Variants in RPL9 observed in about 807,000 individuals in gnomAD.
The protein encoded by RPL9 is ribosomal protein L9, also known as large ribosomal subunit protein uL6.
For synonymous variants in RPL9, 82 were observed against 77.1 expected (o/e 1.06, Z -0.33); for missense variants, 149 against 236.7 (o/e 0.63, Z 2.43).
intron 5 of RPL9, chr4:39,455,983 A>C: frequency 4.4e-6 from 1 of 227,242 alleles, no homozygotes; most frequent in Non-Finnish European, 8.8e-6. Context: ...TTAGATTTTA[A>C]AGGTTCTTAC....
chr4:39,456,270 A>T (rs1172581996), intron 5 of RPL9, 136 bp downstream of exon 5: 4 of 915,418 alleles, frequency 4.4e-6, no homozygotes, highest in Non-Finnish European at 7.1e-6. Context: ...TCAAGAGATA[A>T]TTCTAAAACA....
Position 39,454,916 on chromosome 4 carries a change from C to T in RPL9, c.420G>A (p.Gln140=), listed in dbSNP as rs1278176291. 1 of 1,614,018 alleles carries T rather than the reference C, an allele frequency of 6.2e-7. No homozygotes were observed. The highest frequency in any genetic ancestry group is 8.5e-7 in the Non-Finnish European group (1 of 1,179,972). Reference sequence around the variant, plus strand: ...TTCCTTCAAGGATTAATTCATCTTTCTGGGCTTGAGATACTGAACAAGCAA... The same window carrying T: ...TTCCTTCAAGGATTAATTCATCTTTTTGGGCTTGAGATACTGAACAAGCAA... ...PGVACSVSQA[Q]KDELILEGND... Residue 140 remains glutamine, a synonymous_variant, in exon 6 of 8, where the codon CAG becomes CAA. Transcript: ENST00000295955.
In RPL9 at chr4:39,456,467, A is replaced by G. The variant is rs757203996; in HGVS notation, c.330T>C (p.Ser110=). 1 of 1,614,164 alleles carries G rather than the reference A, an allele frequency of 6.2e-7. No homozygotes were observed. Among genetic ancestry groups the G allele is most frequent in the Non-Finnish European group, 8.5e-7 (1 of 1,179,988 alleles). Residue 110 remains serine, a synonymous_variant, in exon 5 of 8, where the codon TCT becomes TCC. Coordinates refer to ENST00000295955, the MANE Select transcript of RPL9 (RefSeq NM_000661.5). ...PINVVIQENG[S]LVEIRNFLGE... Reference sequence around the variant, plus strand: ...CCAAGAAATTTCGGATTTCAACAAGAGACCCATTCTCCTGGATAACAACGT... The same window carrying G: ...CCAAGAAATTTCGGATTTCAACAAGGGACCCATTCTCCTGGATAACAACGT...
intron 6 of RPL9, 59 bp downstream of exon 6, chr4:39,454,805 T>C: frequency 6.4e-7 from 1 of 1,566,190 alleles, no homozygotes; most frequent in Non-Finnish European, 8.7e-7. Flanking sequence ...AATACTGTAT[T>C]TTAAACAAGA....
In RPL9 at chr4:39,457,637, G is replaced by A. The variant is rs747523284; in HGVS notation, c.207C>T (p.Thr69=). The change falls in exon 4 of 8, where the codon ACC becomes ACT. Residue 69 remains threonine, a synonymous_variant. Coordinates refer to ENST00000295955, the MANE Select transcript of RPL9 (RefSeq NM_000661.5). ...KWWGNRKELA[T]VRTICSHVQN... ...GTACATGACTACAAATAGTCCGAACGGTAGCCAGTTCCTTTCTGTTACCCC... is the reference window on the plus strand; with the variant it reads ...GTACATGACTACAAATAGTCCGAACAGTAGCCAGTTCCTTTCTGTTACCCC... 38 of 1,613,984 alleles carry A rather than the reference G, an allele frequency of 2.4e-5. No homozygotes were observed. Among genetic ancestry groups the A allele is most frequent in the Admixed American group, 1.3e-4 (8 of 60,000 alleles).
chr4:39,454,789 T>C, intron 6 of RPL9, 75 bp downstream of exon 6: 1 of 1,512,980 alleles, frequency 6.6e-7, no homozygotes, highest in Non-Finnish European at 9.0e-7. Flanking sequence ...AAATAAAAAT[T>C]AGCAAAATAC....
chr4:39,458,536 CG>C (rs1744228590), intron 1 of RPL9, 96 bp from the exon 2 acceptor site: 1 of 1,350,934 alleles, frequency 7.4e-7, no homozygotes, highest in South Asian at 1.3e-5. Flanking sequence ...GACTGCCAGG[CG>C]GAAGTTCCAG....
At chr4:39,457,469 G>T (rs149525981) in intron 4 of RPL9, 117 bp downstream of exon 4, 2 of 897,296 alleles carry the variant, frequency 2.2e-6, no homozygotes, top group Non-Finnish European at 3.6e-6. Context: ...AAGTTCTTGC[G>T]TATTACACCA....
intron 5 of RPL9, 47 bp from the exon 6 acceptor site, chr4:39,454,991 A>G (rs776093089): frequency 3.2e-6 from 5 of 1,542,446 alleles, no homozygotes; most frequent in Non-Finnish European, 4.4e-6. Flanking sequence ...TGTGTAAAAA[A>G]TATTTAAATT....
At position 39,458,318 on chromosome 4, in the gene RPL9, G is replaced by C. The variant is rs756429662; in HGVS notation, c.47-9C>G. 28 of 1,613,942 alleles carry C rather than the reference G, an allele frequency of 1.7e-5. No homozygotes were observed. Among genetic ancestry groups the C allele is most frequent in the Admixed American group, 3.3e-5 (2 of 59,998 alleles). ...CTTCAGAGTAATGTCGACTAGAAGA[G>C]AGAACACACTCGTCAGGCCACACAA... On this transcript the variant is annotated splice_polypyrimidine_tract_variant and intron_variant, in intron 2 of 7. Coordinates refer to ENST00000295955, the MANE Select transcript of RPL9 (RefSeq NM_000661.5).
rs1419127512 is a variant in RPL9, at chr4:39,458,883, A to T, written c.-2+8T>A. The stretch of plus-strand genomic sequence containing the variant: ...CCAGTACCCCCACGAGCACAGAAAC[A>T]TCCTTACCTCGCAGTAGACGCAGCA... On this transcript the variant is annotated splice_region_variant and intron_variant, in intron 1 of 7. Transcript: ENST00000295955. 2.9e-6 allele frequency: 2 copies of T among 701,644 alleles called. No homozygotes were observed. Among genetic ancestry groups the T allele is most frequent in the African/African-American group, 1.7e-5 (1 of 57,238 alleles). 43.5% of individuals were successfully genotyped at this position (701,644 alleles called of 1,614,324 possible). A position where few individuals can be genotyped will look rare whatever the true frequency, so the allele number is the denominator to read the frequency against.
chr4:39,456,111 C>T (rs962920802), intron 5 of RPL9: 7 of 400,594 alleles, frequency 1.7e-5, no homozygotes, highest in Non-Finnish European at 2.8e-5. Flanking sequence ...TTATATACAC[C>T]TTTTGTAAAT....
At chr4:39,455,839 T>C (rs1744065657) in intron 5 of RPL9, 1 of 178,864 alleles carries the variant, frequency 5.6e-6, no homozygotes, top group South Asian at 1.1e-4. Flanking sequence ...GCATGCATTG[T>C]TGTTTTTCAA....
intron 1 of RPL9, 86 bp downstream of exon 1, chr4:39,458,805 C>G: frequency 1.5e-6 from 1 of 686,456 alleles, no homozygotes; most frequent in Non-Finnish European, 2.7e-6. Context: ...GGACAAGGTT[C>G]CGAGAGTGGG....
At position 39,457,697 on chromosome 4, in the gene RPL9, A is replaced by C; in HGVS notation, c.163-16T>G. ...CAACCCGGAGCTGTAACAGAACAAA[A>C]AATGTATTCTTTCCAGAAATATGCA... is the stretch of plus-strand genomic sequence containing the variant. On this transcript the variant is annotated splice_polypyrimidine_tract_variant and intron_variant, in intron 3 of 7. Coordinates refer to ENST00000295955, the MANE Select transcript of RPL9 (RefSeq NM_000661.5). The C allele has an allele frequency of 3.1e-6, 5 of 1,603,268 alleles. No homozygotes were observed. The highest frequency in any genetic ancestry group is 4.3e-6 in the Non-Finnish European group (5 of 1,170,048).
chr4:39,456,955 A>G, intron 4 of RPL9: 1 of 177,558 alleles, frequency 5.6e-6, no homozygotes, highest in Non-Finnish European at 1.2e-5. Context: ...TTTATAATAG[A>G]TGTACAGGGT....
chr4:39,456,704 C>A (rs1318304920), intron 4 of RPL9, 166 bp from the exon 5 acceptor site: 4 of 730,034 alleles, frequency 5.5e-6, no homozygotes, highest in Non-Finnish European at 6.7e-6. Context: ...TCTGTCTATT[C>A]AGTGGACTGT....
intron 5 of RPL9, chr4:39,455,741 G>C (rs1164418196): frequency 6.4e-6 from 1 of 155,420 alleles, no homozygotes; most frequent in Admixed American, 6.4e-5. Flanking sequence ...CCGTACTCCA[G>C]CCTGGGCAAC....
intron 5 of RPL9, 59 bp downstream of exon 5, chr4:39,456,347 A>G (rs777509072): frequency 1.9e-6 from 3 of 1,599,878 alleles, no homozygotes; most frequent in African/African-American, 2.7e-5. Context: ...GGGAGTGGAA[A>G]AGGAGGAAAA....
Sources: allele counts gnomAD v4.1 joint callset, GRCh38; gene constraint gnomAD v4.1.1; transcripts MANE v1.5; gene names NCBI Gene and HGNC (gene_info 2026-07-23, HGNC 2026-07-21).